TLK2: variants seen among roughly 807,000 people sequenced by gnomAD.
TLK2 encodes the protein serine/threonine-protein kinase tousled-like 2.
In TLK2, 6 loss-of-function variants were observed where a neutral mutation model predicts 117.3. That is an observed-to-expected ratio of 0.05 (90% CI 0.03 to 0.10). The LOEUF is 0.10. TLK2 is among the 10% of genes least tolerant of loss of function. TLK2 has a pLI of 1.00. For missense variants in TLK2, 299 were observed against 901.2 expected, an observed-to-expected ratio of 0.33 and a Z score of 8.56; for synonymous variants, 257 against 316.7, an observed-to-expected ratio of 0.81 and a Z score of 2.00.
chr17:62,539,763 A>G (rs1229131711), intron 7 of TLK2, among the ~76,000 whole-genome samples: 1 of 151,938 alleles, frequency 6.6e-6, no homozygotes, highest in South Asian at 2.1e-4. Context: ...CGGCCTCCCC[A>G]AAGTTCTGGG....
At chr17:62,586,573 G>A (rs953212735) in intron 16 of TLK2, among the ~76,000 whole-genome samples, 3 of 152,146 alleles carry the variant, frequency 2.0e-5, no homozygotes, top group African/African-American at 7.2e-5. Context: ...TGTAATCCCA[G>A]CACTTTGGGA....
chr17:62,596,918 T>C (rs1220631731), intron 17 of TLK2, among the ~76,000 whole-genome samples: 1 of 152,236 alleles, frequency 6.6e-6, no homozygotes, highest in Non-Finnish European at 1.5e-5. Context: ...ACAGGGCTAA[T>C]TTATAGTGTT....
chr17:62,604,190 A>T (rs2083088659), intron 19 of TLK2, among the ~76,000 whole-genome samples: 1 of 151,740 alleles, frequency 6.6e-6, no homozygotes, highest in Admixed American at 6.6e-5. Flanking sequence ...TATTTTTAGT[A>T]GAGATGGGGT....
At chr17:62,522,769 G>A (rs2076129218) in intron 4 of TLK2, among the ~76,000 whole-genome samples, 1 of 152,116 alleles carries the variant, frequency 6.6e-6, no homozygotes, top group Non-Finnish European at 1.5e-5. Context: ...AAGAAAAAAT[G>A]GCTTGGCTTT....
chr17:62,475,219 T>C (rs1223370753), upstream of TLK2, among the ~76,000 whole-genome samples: 2 of 152,150 alleles, frequency 1.3e-5, no homozygotes, highest in African/African-American at 4.8e-5. Context: ...CTCATGAAAT[T>C]AGGTTTACTG....
intron 2 of TLK2, among the ~76,000 whole-genome samples, chr17:62,516,125 A>C (rs1046021943): frequency 6.6e-6 from 1 of 151,958 alleles, no homozygotes; most frequent in African/African-American, 2.4e-5. Context: ...GAATTTCATC[A>C]TGTTGGCCAG....
At chr17:62,525,373 A>G (rs1484205906) in intron 6 of TLK2, among the ~76,000 whole-genome samples, 1 of 152,128 alleles carries the variant, frequency 6.6e-6, no homozygotes, top group Non-Finnish European at 1.5e-5. Flanking sequence ...TAAAGCACTT[A>G]TGAAAACATA....
At chr17:62,487,175 C>T (rs2072495269) in intron 2 of TLK2, among the ~76,000 whole-genome samples, 1 of 152,094 alleles carries the variant, frequency 6.6e-6, no homozygotes, top group East Asian at 1.9e-4. Flanking sequence ...GCCTGTAATC[C>T]CAGCTACTCA....
chr17:62,585,371 C>T (rs949768929), intron 15 of TLK2, among the ~76,000 whole-genome samples: 9 of 152,218 alleles, frequency 5.9e-5, no homozygotes, highest in Non-Finnish European at 8.8e-5. Flanking sequence ...AACCCCATCT[C>T]TACTAAAAAT....
In TLK2 at chr17:62,523,219, CA is replaced by C. The variant is rs752930197; in HGVS notation, c.267+49del. On this transcript the variant is annotated intron_variant, in intron 5 of 21. Transcript: ENST00000346027. ...GAAAAAACAAACAAACAAAACAAAA[CA>C]AAAAAACTCTATAGTGATTTTTTTT... is the stretch of plus-strand genomic sequence containing the variant. 16 of 1,583,818 alleles carry C rather than the reference CA, an allele frequency of 1.0e-5. No individual in the cohort carries two copies. In the Admixed American group the frequency reaches 1.4e-4, roughly 13 times the overall value.
chr17:62,478,295 C>G (rs937674028), upstream of TLK2, among the ~76,000 whole-genome samples: 1 of 151,462 alleles, frequency 6.6e-6, no homozygotes, highest in African/African-American at 2.4e-5. Context: ...CGCCGCACTT[C>G]TCACCCAAAC....
intron 7 of TLK2, among the ~76,000 whole-genome samples, chr17:62,542,634 G>A (rs2077618418): frequency 6.6e-6 from 1 of 152,120 alleles, no homozygotes; most frequent in Admixed American, 6.6e-5. Flanking sequence ...TTGTTTCATT[G>A]TTTGGCATTG....
At chr17:62,598,673 C>T (rs540752759) in intron 17 of TLK2, among the ~76,000 whole-genome samples, 19 of 151,930 alleles carry the variant, frequency 1.3e-4, no homozygotes, top group African/African-American at 3.6e-4. Context: ...TACAGATGCA[C>T]GCCACCATGC....
In TLK2 at chr17:62,517,584, C is replaced by T. The variant is rs994256797; in HGVS notation, c.82-3189C>T. 5.3e-5 allele frequency among the ~76,000 whole-genome samples: 8 copies of T among 151,682 alleles called. No homozygotes were observed. The East Asian group carries it at 5.9e-4, about 11-fold the overall frequency. On this transcript the variant is annotated intron_variant, in intron 2 of 21. Transcript: ENST00000346027. ...TAATTTTTTGTATTTTTAGTAGAGA[C>T]GGGGTTTCACCGTGGTCTCGATCTC...
chr17:62,569,722 C>T (rs537418099), intron 11 of TLK2, among the ~76,000 whole-genome samples: 4 of 152,102 alleles, frequency 2.6e-5, no homozygotes, highest in South Asian at 2.1e-4. Context: ...CCACCGCGCC[C>T]GGCCACATTT....
Position 62,573,385 on chromosome 17 carries a change from G to C in TLK2, c.1121+18G>C, listed in dbSNP as rs200235815. 2 of 1,612,662 alleles carry C rather than the reference G, an allele frequency of 1.2e-6. No individual in the cohort carries two copies. Among genetic ancestry groups the C allele is most frequent in the East Asian group, 4.5e-5 (2 of 44,828 alleles). ...AATGAAACGTATGTTCTTTATTGAC[G>C]TGAACGCTGAGACACCACACCCTGC... is the stretch of plus-strand genomic sequence containing the variant. On this transcript the variant is annotated intron_variant, in intron 12 of 21. Coordinates refer to ENST00000346027, the MANE Select transcript of TLK2 (RefSeq NM_006852.6).
intron 2 of TLK2, among the ~76,000 whole-genome samples, chr17:62,502,245 A>G (rs1292583752): frequency 1.3e-5 from 2 of 152,136 alleles, no homozygotes; most frequent in African/African-American, 4.8e-5. Context: ...TTGATTTAGC[A>G]TTAGAATTCA....
At chr17:62,570,688 C>T (rs1288651673) in intron 11 of TLK2, among the ~76,000 whole-genome samples, 1 of 152,110 alleles carries the variant, frequency 6.6e-6, no homozygotes, top group East Asian at 1.9e-4. Context: ...TTCAAACTTT[C>T]GTTCTCAGAA....
chr17:62,504,491 G>A (rs550017386), intron 2 of TLK2, among the ~76,000 whole-genome samples: 1 of 152,260 alleles, frequency 6.6e-6, no homozygotes, highest in East Asian at 1.9e-4. Flanking sequence ...CTAGTCAGGA[G>A]GAAATGCAAG....
Sources: gnomAD v4.1 joint callset for allele counts (sites outside exome capture counted in the v4.1 genomes callset) on GRCh38, gnomAD v4.1.1 for gene constraint, MANE v1.5 for transcripts, NCBI Gene and HGNC (gene_info 2026-07-23, HGNC 2026-07-21) for gene names.